Variants in PPTC7 observed in about 807,000 individuals in gnomAD.
The protein encoded by PPTC7 is protein phosphatase PTC7 homolog.
A neutral mutation model predicts 30.8 loss-of-function variants in PPTC7; 6 were observed. The observed-to-expected ratio is 0.19, with a 90% confidence interval of 0.11 to 0.38. PPTC7 has a LOEUF of 0.38. Among genes scored for constraint, PPTC7 ranks in the 10% least tolerant of loss-of-function variants. The probability of loss-of-function intolerance (pLI) is 1.00; values close to 1 mark genes in which losing one functional copy is unlikely to be tolerated. For synonymous variants in PPTC7, 163 were observed against 168.1 expected, an observed-to-expected ratio of 0.97 and a Z score of 0.23; for missense variants, 218 against 404.8, an observed-to-expected ratio of 0.54 and a Z score of 3.96.
chr12:110,537,667 G>A (rs547169808), intron 5 of PPTC7, among the ~76,000 whole-genome samples: 8 of 152,344 alleles, frequency 5.3e-5, no homozygotes, highest in Admixed American at 3.9e-4. Context: ...ACATCATGCT[G>A]TAGATAGGAC....
At chr12:110,579,136 A>G (rs2064614926) in intron 1 of PPTC7, among the ~76,000 whole-genome samples, 1 of 151,938 alleles carries the variant, frequency 6.6e-6, no homozygotes, top group Admixed American at 6.6e-5. Context: ...GTGGCAGAGC[A>G]AGACTCTATC....
rs769451549 is a variant in PPTC7, at chr12:110,545,989, T to G, written c.493A>C (p.Arg165=). The G allele has an allele frequency of 2.5e-6, 4 of 1,614,086 alleles. No individual in the cohort carries two copies. In the African/African-American group the frequency reaches 5.3e-5, roughly 22 times the overall value. ...NLGDSGFLVV[R]GGEVVHRSDE... ...GATCGGTGCACGACTTCACCACCCC[T>G]GACAACCAGGAAGCCTGAATCGCCC... is the stretch of plus-strand genomic sequence containing the variant. The change falls in exon 3 of 6, where the codon AGG becomes CGG. Residue 165 remains arginine (R), a synonymous_variant. Transcript: ENST00000354300.
At chr12:110,537,642 T>C (rs2064229334) in intron 5 of PPTC7, among the ~76,000 whole-genome samples, 1 of 152,232 alleles carries the variant, frequency 6.6e-6, no homozygotes. Context: ...GCCACTGGCC[T>C]GCTCCCAAAG....
At chr12:110,572,521 T>G (rs1483568188) in intron 1 of PPTC7, among the ~76,000 whole-genome samples, 1 of 152,216 alleles carries the variant, frequency 6.6e-6, no homozygotes, top group African/African-American at 2.4e-5. Flanking sequence ...CTCTTCAAAA[T>G]ACTCTGTTAA....
chr12:110,572,398 G>A (rs373822354), intron 1 of PPTC7, among the ~76,000 whole-genome samples: 4 of 152,112 alleles, frequency 2.6e-5, no homozygotes, highest in Non-Finnish European at 4.4e-5. Flanking sequence ...CCAAGACCAC[G>A]CCATTGCACT....
At chr12:110,578,418 A>G (rs2064607116) in intron 1 of PPTC7, among the ~76,000 whole-genome samples, 3 of 152,160 alleles carry the variant, frequency 2.0e-5, no homozygotes, top group Admixed American at 2.0e-4. Context: ...CACCTTTGAC[A>G]ATTTTCTAGA....
intron 1 of PPTC7, among the ~76,000 whole-genome samples, chr12:110,567,104 G>A (rs990448044): frequency 6.6e-6 from 1 of 152,098 alleles, no homozygotes; most frequent in East Asian, 1.9e-4. Flanking sequence ...CCTTTATAGC[G>A]ATCTTCCCTT....
chr12:110,564,748 T>TTATATACACATA (rs201971219), intron 1 of PPTC7, among the ~76,000 whole-genome samples: 1 of 146,080 alleles, frequency 6.8e-6, no homozygotes, highest in Non-Finnish European at 1.5e-5. Flanking sequence ...GAACACTAAT[T>TTATATACACATA]TATATACACA....
At chr12:110,553,137 C>T (rs941052041) in intron 1 of PPTC7, among the ~76,000 whole-genome samples, 7 of 144,420 alleles carry the variant, frequency 4.8e-5, no homozygotes, top group South Asian at 5.1e-4. Flanking sequence ...GAGCCGAGAT[C>T]GCGCCATTGC....
At chr12:110,542,142 T>G (rs2135761795) in intron 3 of PPTC7, among the ~76,000 whole-genome samples, 1 of 150,668 alleles carries the variant, frequency 6.6e-6, no homozygotes, top group East Asian at 2.0e-4. Flanking sequence ...AGAGCAAGAC[T>G]CCATCTCAAG....
intron 1 of PPTC7, among the ~76,000 whole-genome samples, chr12:110,578,557 G>C (rs939095102): frequency 6.6e-5 from 10 of 152,038 alleles, no homozygotes; most frequent in African/African-American, 2.2e-4. Flanking sequence ...TGACTAATAG[G>C]ACAGATCAAT....
At chr12:110,580,415 C>T (rs560602996) in intron 1 of PPTC7, among the ~76,000 whole-genome samples, 220 of 151,246 alleles carry the variant, frequency 1.5e-3, no homozygotes, top group Non-Finnish European at 1.7e-3. Flanking sequence ...CTCGGCTCAC[C>T]GCAACCTCCA....
Position 110,583,249 on chromosome 12 carries a change from C to A in PPTC7, c.-218G>T. 5.6e-6 allele frequency: 1 copy of A among 179,272 alleles called. No homozygotes were observed. The allele number at this position is 179,272 out of a possible 1,614,324, so 11.1% of individuals were successfully genotyped here. A position where few individuals can be genotyped will look rare whatever the true frequency, so the allele number is the denominator to read the frequency against. ...AGCGAGGTCAGAAGCGGCGGCTCCT[C>A]CGCCTCAGCCCAACTGAAGTCCCGG... On this transcript the variant is annotated 5_prime_UTR_variant, in exon 1 of 6. Transcript: ENST00000354300.
Position 110,579,252 on chromosome 12 carries a change from G to C in PPTC7, c.223+3557C>G, listed in dbSNP as rs79866999. On this transcript the variant is annotated intron_variant, in intron 1 of 5. Transcript: ENST00000354300. Reference sequence around the variant, plus strand: ...CAAGGATCAAATGAGGCCAACTCATGAAGTTATTTCAGGTGGCTTCCAAGA... The same window carrying C: ...CAAGGATCAAATGAGGCCAACTCATCAAGTTATTTCAGGTGGCTTCCAAGA... Among the ~76,000 whole-genome samples, 1,280 of 152,284 alleles carry C rather than the reference G, an allele frequency of 8.4e-3. 21 individuals carry two copies. The highest frequency in any genetic ancestry group is 0.029 in the African/African-American group (1,215 of 41,538).
chr12:110,538,083 C>T (rs1003491198), intron 5 of PPTC7, 61 bp downstream of exon 5: 3 of 1,573,406 alleles, frequency 1.9e-6, no homozygotes, highest in Non-Finnish European at 2.6e-6. Context: ...GCCCAGAATG[C>T]TCCACTCTAC....
At chr12:110,577,062 G>A (rs758520673) in intron 1 of PPTC7, among the ~76,000 whole-genome samples, 13 of 151,278 alleles carry the variant, frequency 8.6e-5, no homozygotes, top group Non-Finnish European at 1.8e-4. Flanking sequence ...AGCTACTTGG[G>A]AGGCTGAGGC....
chr12:110,540,555 T>C (rs988296198), intron 3 of PPTC7, among the ~76,000 whole-genome samples: 1 of 152,114 alleles, frequency 6.6e-6, no homozygotes, highest in African/African-American at 2.4e-5. Flanking sequence ...TTTTGCCACG[T>C]TGGCCAGGCT....
At chr12:110,551,406 C>A (rs1157979704) in intron 2 of PPTC7, among the ~76,000 whole-genome samples, 1 of 152,170 alleles carries the variant, frequency 6.6e-6, no homozygotes, top group Non-Finnish European at 1.5e-5. Context: ...GGTGCAATGG[C>A]GCCATCTCGG....
chr12:110,552,602 C>T (rs541023191), intron 1 of PPTC7, among the ~76,000 whole-genome samples: 6 of 152,348 alleles, frequency 3.9e-5, no homozygotes, highest in East Asian at 1.9e-4. Flanking sequence ...CGGTGGCTCA[C>T]GCCTGTAATC....
Sources: gnomAD v4.1 joint callset for allele counts (sites outside exome capture counted in the v4.1 genomes callset) on GRCh38, gnomAD v4.1.1 for gene constraint, MANE v1.5 for transcripts, NCBI Gene and HGNC (gene_info 2026-07-23, HGNC 2026-07-21) for gene names.